The following BNC2 variants were observed in gnomAD, a reference collection of about 807,000 sequenced individuals.
BNC2 encodes basonuclin zinc finger protein 2.
Under a neutral mutation model 76.3 loss-of-function variants are expected in BNC2, and 20 were observed. The ratio of observed to expected loss-of-function variants is 0.26; its 90% CI spans 0.18 to 0.38. The LOEUF is 0.38. BNC2 is among the 10% of genes least tolerant of loss of function. The pLI is 1.00. For missense variants in BNC2, 1,382 were observed against 1,399.8 expected (o/e 0.99, Z 0.20); for synonymous variants, 582 against 514.8 (o/e 1.13, Z -1.77).
At chr9:16,532,992 A>G (rs1818028159) in intron 5 of BNC2, among the ~76,000 whole-genome samples, 1 of 152,242 alleles carries the variant, frequency 6.6e-6, no homozygotes, top group South Asian at 2.1e-4. Flanking sequence ...CAACGCTAGC[A>G]ATGTCTAAAT....
rs534010010 is a variant in BNC2, at chr9:16,594,852, T to C, written c.331-11767A>G. Among the ~76,000 whole-genome samples the C allele has an allele frequency of 5.3e-3, 805 of 152,218 alleles. 6 individuals are homozygous for C. Among genetic ancestry groups the C allele is most frequent in the African/African-American group, 0.018 (753 of 41,558 alleles). On this transcript the variant is annotated intron_variant, in intron 3 of 6. Coordinates refer to ENST00000380672, the MANE Select transcript of BNC2 (RefSeq NM_017637.6). ...GAAAGGAGCCTGATAATCCCCCTTG[T>C]TCCCCTCCTCCTCAAACAAATCTGA...
chr9:16,763,398 C>T (rs1019059364), intron 1 of BNC2, among the ~76,000 whole-genome samples: 1 of 149,634 alleles, frequency 6.7e-6, no homozygotes, highest in African/African-American at 2.5e-5. Flanking sequence ...GACAAAACCC[C>T]ATCTCTACAA....
At chr9:16,764,887 G>C (rs1586865300) in intron 1 of BNC2, among the ~76,000 whole-genome samples, 1 of 151,420 alleles carries the variant, frequency 6.6e-6, no homozygotes, top group Admixed American at 6.6e-5. Context: ...ATAAATGAGA[G>C]GGAGGGAAAG....
chr9:16,431,305 A>T, intron 6 of BNC2: 1 of 249,044 alleles, frequency 4.0e-6, no homozygotes, highest in South Asian at 4.2e-5. Context: ...ACTTATAAAT[A>T]GGCTTCCCTT....
At chr9:16,664,373 AAC>A (rs1822203561) in intron 3 of BNC2, among the ~76,000 whole-genome samples, 2 of 152,222 alleles carry the variant, frequency 1.3e-5, no homozygotes, top group Non-Finnish European at 2.9e-5. Flanking sequence ...TACCCCTCCC[AAC>A]CACAAGTTCA....
chr9:16,561,650 C>T (rs1046524114), intron 4 of BNC2, among the ~76,000 whole-genome samples: 1 of 152,098 alleles, frequency 6.6e-6, no homozygotes, highest in African/African-American at 2.4e-5. Context: ...CTATATGGTA[C>T]ACTAGCCCAG....
At chr9:16,469,992 C>CTTTTTTTTTTTT (rs201134930) in intron 5 of BNC2, among the ~76,000 whole-genome samples, 2 of 114,958 alleles carry the variant, frequency 1.7e-5, no homozygotes, top group African/African-American at 3.7e-5. Context: ...TAATGGCATT[C>CTTTTTTTTTTTT]TTTTTTTTTT....
intron 5 of BNC2, among the ~76,000 whole-genome samples, chr9:16,538,786 A>G (rs1344806843): frequency 1.3e-5 from 2 of 152,218 alleles, no homozygotes; most frequent in African/African-American, 4.8e-5. Context: ...TTATTAAAAT[A>G]CAACCAAGAC....
chr9:16,837,994 G>T (rs529670860), intron 1 of BNC2, among the ~76,000 whole-genome samples: 3 of 151,958 alleles, frequency 2.0e-5, no homozygotes, highest in Non-Finnish European at 4.4e-5. Context: ...ATGATACCTG[G>T]TATAAAAACG....
In BNC2 at chr9:16,426,124, A is replaced by C. The variant is rs10962421; in HGVS notation, c.2640-6475T>G. Among the ~76,000 whole-genome samples, 1,122 of 152,304 alleles carry C rather than the reference A, an allele frequency of 7.4e-3. 7 individuals carry two copies. Among genetic ancestry groups the C allele is most frequent in the Non-Finnish European group, 0.011 (750 of 68,020 alleles). ...TTTACTACTATTGTTGGGTAAGAAA[A>C]AGCAAAGCCATGAGCCCTGGCATCT... On this transcript the variant is annotated intron_variant, in intron 6 of 6. Coordinates refer to ENST00000380672, the MANE Select transcript of BNC2 (RefSeq NM_017637.6).
At position 16,862,505 on chromosome 9, in the gene BNC2, T is replaced by C. The variant is rs557182521; in HGVS notation, c.3+8141A>G. 8.5e-5 allele frequency among the ~76,000 whole-genome samples: 13 copies of C among 152,296 alleles called. No homozygotes were observed. The East Asian group carries it at 1.7e-3, about 20-fold the overall frequency. ...TAGGTGGAATAGAACAGGGCCTCTA[T>C]AGATACCCCGTCCCAGCGCTGTTCT... On this transcript the variant is annotated intron_variant, in intron 1 of 6. Transcript: ENST00000380672.
chr9:16,846,212 T>C (rs1441684778), intron 1 of BNC2, among the ~76,000 whole-genome samples: 1 of 152,002 alleles, frequency 6.6e-6, no homozygotes, highest in Admixed American at 6.6e-5. Context: ...TTGGTGAATT[T>C]CTAACTGTAA....
chr9:16,591,958 C>T (rs959880918), intron 3 of BNC2, among the ~76,000 whole-genome samples: 13 of 151,984 alleles, frequency 8.6e-5, no homozygotes, highest in South Asian at 2.1e-4. Context: ...GTCTTCTCAA[C>T]GAAAAAACAC....
intron 3 of BNC2, among the ~76,000 whole-genome samples, chr9:16,629,578 G>C (rs1411195375): frequency 6.6e-6 from 1 of 152,176 alleles, no homozygotes; most frequent in Admixed American, 6.5e-5. Context: ...CAGTAGTGGG[G>C]AAAGAGTAAA....
chr9:16,565,011 C>T (rs1445062874), intron 4 of BNC2, among the ~76,000 whole-genome samples: 1 of 152,096 alleles, frequency 6.6e-6, no homozygotes, highest in Non-Finnish European at 1.5e-5. Context: ...TGCAGTTTTT[C>T]CTGGATCAAT....
chr9:16,561,366 G>A (rs1409518322), intron 4 of BNC2, among the ~76,000 whole-genome samples: 1 of 152,162 alleles, frequency 6.6e-6, no homozygotes, highest in Non-Finnish European at 1.5e-5. Flanking sequence ...AGAGCCAAGT[G>A]AAGAGAGCAG....
intron 1 of BNC2, among the ~76,000 whole-genome samples, chr9:16,794,565 C>T (rs1237055319): frequency 6.6e-6 from 1 of 152,162 alleles, no homozygotes; most frequent in South Asian, 2.1e-4. Context: ...TAGTCATTAT[C>T]ATCATCTAGG....
intron 3 of BNC2, among the ~76,000 whole-genome samples, chr9:16,641,557 A>G (rs1050294400): frequency 1.3e-4 from 20 of 152,336 alleles, no homozygotes; most frequent in African/African-American, 4.6e-4. Flanking sequence ...GTTTCAAAAG[A>G]TAACTTAATT....
chr9:16,595,940 G>A (rs141188291), intron 3 of BNC2, among the ~76,000 whole-genome samples: 20 of 152,136 alleles, frequency 1.3e-4, no homozygotes, highest in African/African-American at 4.8e-4. Flanking sequence ...TCTTGGGCAT[G>A]TGGACTGGGT....
Sources: allele counts gnomAD v4.1 joint callset (sites outside exome capture counted in the v4.1 genomes callset), GRCh38; gene constraint gnomAD v4.1.1; transcripts MANE v1.5; gene names NCBI Gene and HGNC (gene_info 2026-07-23, HGNC 2026-07-21).